The following PTPRD variants were observed in gnomAD, a reference collection of about 807,000 sequenced individuals.
PTPRD encodes protein tyrosine phosphatase receptor type D.
Under a neutral mutation model 214.5 loss-of-function variants are expected in PTPRD, and 34 were observed. That is an observed-to-expected ratio of 0.16 (90% CI 0.12 to 0.21). PTPRD has a LOEUF of 0.21. Ranked by LOEUF, PTPRD falls within the 10% of genes least tolerant of loss-of-function variation. The pLI, the probability that PTPRD is intolerant of heterozygous loss-of-function variation, is 1.00. For missense variants in PTPRD, 2,545 were observed against 2,398.7 expected (o/e 1.06, Z -1.27); for synonymous variants, 1,128 against 845.7 (o/e 1.33, Z -5.79).
chr9:8,375,485 C>T (rs1157440595), intron 39 of PTPRD, among the ~76,000 whole-genome samples: 1 of 151,940 alleles, frequency 6.6e-6, no homozygotes, highest in East Asian at 1.9e-4. Flanking sequence ...CATCTTTAAG[C>T]AATAAGATAG....
chr9:10,351,824 G>C (rs986373437), intron 2 of PTPRD, among the ~76,000 whole-genome samples: 2 of 151,942 alleles, frequency 1.3e-5, no homozygotes, highest in Non-Finnish European at 2.9e-5. Context: ...GAACATAATA[G>C]ACACATTCAT....
intron 7 of PTPRD, among the ~76,000 whole-genome samples, chr9:9,578,551 A>T (rs2089758866): frequency 1.3e-5 from 2 of 152,094 alleles, no homozygotes; most frequent in African/African-American, 4.8e-5. Flanking sequence ...TTTCAATAAT[A>T]ATTTTAAATA....
chr9:8,816,293 T>C (rs1029976213), intron 11 of PTPRD, among the ~76,000 whole-genome samples: 3 of 152,218 alleles, frequency 2.0e-5, no homozygotes, highest in South Asian at 2.1e-4. Flanking sequence ...TATTTTAAGA[T>C]ATAAAGGTCT....
At chr9:10,573,023 G>A (rs2067983103) in intron 2 of PTPRD, among the ~76,000 whole-genome samples, 1 of 152,080 alleles carries the variant, frequency 6.6e-6, no homozygotes, top group South Asian at 2.1e-4. Flanking sequence ...AGATGGGAAA[G>A]TGATTGTTGA....
intron 5 of PTPRD, among the ~76,000 whole-genome samples, chr9:9,827,823 C>A (rs988771146): frequency 1.3e-5 from 2 of 151,892 alleles, no homozygotes; most frequent in African/African-American, 2.4e-5. Context: ...AAAAAACAAC[C>A]CCATCAACAA....
intron 11 of PTPRD, among the ~76,000 whole-genome samples, chr9:8,826,849 C>G (rs1389701220): frequency 1.3e-5 from 2 of 152,032 alleles, no homozygotes; most frequent in East Asian, 3.9e-4. Context: ...CTGACAACTT[C>G]TCCCAACTCT....
intron 8 of PTPRD, among the ~76,000 whole-genome samples, chr9:9,543,224 C>T (rs1479482022): frequency 2.6e-5 from 4 of 151,536 alleles, no homozygotes; most frequent in Admixed American, 6.6e-5. Flanking sequence ...TTTAAGATTC[C>T]ATTTACATGA....
At chr9:9,251,122 G>C (rs1277132054) in intron 9 of PTPRD, among the ~76,000 whole-genome samples, 1 of 151,992 alleles carries the variant, frequency 6.6e-6, no homozygotes, top group African/African-American at 2.4e-5. Flanking sequence ...ACCAAGGACA[G>C]ATTTAAGGTT....
chr9:9,225,254 G>T (rs1258989382), intron 9 of PTPRD, among the ~76,000 whole-genome samples: 2 of 151,940 alleles, frequency 1.3e-5, no homozygotes, highest in Non-Finnish European at 2.9e-5. Context: ...TCTATGATTA[G>T]CTCATCTGAT....
intron 2 of PTPRD, among the ~76,000 whole-genome samples, chr9:10,345,027 T>C (rs2154447327): frequency 6.6e-6 from 1 of 152,234 alleles, no homozygotes; most frequent in Admixed American, 6.5e-5. Flanking sequence ...AAATCCTTTC[T>C]CCCCATCATA....
At chr9:10,036,679 G>A (rs912693712) in intron 3 of PTPRD, among the ~76,000 whole-genome samples, 12 of 151,826 alleles carry the variant, frequency 7.9e-5, no homozygotes, top group Non-Finnish European at 1.8e-4. Flanking sequence ...CCACCTCCTG[G>A]GTTCAAGTGA....
At chr9:10,210,525 G>A (rs1211005572) in intron 3 of PTPRD, among the ~76,000 whole-genome samples, 2 of 151,614 alleles carry the variant, frequency 1.3e-5, no homozygotes, top group African/African-American at 2.4e-5. Context: ...AGGAGGGGGG[G>A]CTTCTTGCAC....
chr9:8,701,159 TC>T (rs2098073882), intron 12 of PTPRD, among the ~76,000 whole-genome samples: 2 of 151,054 alleles, frequency 1.3e-5, no homozygotes, highest in Non-Finnish European at 3.0e-5. Context: ...AGACTCCATC[TC>T]AAAAAAAAGA....
At chr9:9,998,294 G>C (rs1161493421) in intron 4 of PTPRD, among the ~76,000 whole-genome samples, 1 of 151,030 alleles carries the variant, frequency 6.6e-6, no homozygotes, top group East Asian at 2.0e-4. Context: ...AGGATTGATG[G>C]GTCCCGGGGC....
At chr9:8,699,212 T>C (rs2098012413) in intron 12 of PTPRD, among the ~76,000 whole-genome samples, 1 of 152,232 alleles carries the variant, frequency 6.6e-6, no homozygotes, top group Non-Finnish European at 1.5e-5. Context: ...AATCTATCAG[T>C]TCAACTCTTT....
rs377333297 is a variant in PTPRD at position 8,929,757 on chromosome 9, GTA to G, written c.-104+88938_-104+88939del. Among the ~76,000 whole-genome samples the G allele has an allele frequency of 5.3e-5, 3 of 56,612 alleles. 1 individual carries two copies. Among genetic ancestry groups the G allele is most frequent in the Admixed American group, 2.7e-4 (1 of 3,658 alleles). The allele number at this position is 56,612 out of a possible 152,430, so 37.1% of individuals were successfully genotyped here. On this transcript the variant is annotated intron_variant, in intron 11 of 45. Transcript: ENST00000381196. ...TGTATATATATGTGTATATATATAT[GTA>G]TATATATGTGTATATATATGGGTGT...
chr9:8,949,814 A>G (rs1345291476), intron 11 of PTPRD, among the ~76,000 whole-genome samples: 1 of 152,166 alleles, frequency 6.6e-6, no homozygotes, highest in East Asian at 1.9e-4. Context: ...TTATAGCATA[A>G]ACTCGGTCCA....
At chr9:8,488,429 CATATAAAACATGTGTGTTGTGTTGTAT>C (rs1257640721) in intron 27 of PTPRD, among the ~76,000 whole-genome samples, 14 of 152,156 alleles carry the variant, frequency 9.2e-5, no homozygotes, top group East Asian at 5.8e-4. Flanking sequence ...CTGTGTTATA[CATATAAAACATGTGTGTTGTGTTGTAT>C]ATATAAAACA....
At chr9:10,489,672 T>C (rs1371757167) in intron 2 of PTPRD, among the ~76,000 whole-genome samples, 2 of 152,160 alleles carry the variant, frequency 1.3e-5, no homozygotes, top group South Asian at 4.1e-4. Flanking sequence ...GATCCTCAAG[T>C]TCGGACCACT....
Sources: allele counts gnomAD v4.1 joint callset (sites outside exome capture counted in the v4.1 genomes callset), GRCh38; gene constraint gnomAD v4.1.1; transcripts MANE v1.5; gene names NCBI Gene and HGNC (gene_info 2026-07-23, HGNC 2026-07-21).